Variants in RARB observed in about 807,000 individuals in gnomAD.
RARB encodes the protein HBV-activated protein.
A neutral mutation model predicts 51.9 loss-of-function variants in RARB; 17 were observed. That is an observed-to-expected ratio of 0.33 (90% CI 0.22 to 0.49). The LOEUF is 0.49. RARB is among the 20% of genes least tolerant of loss of function. RARB has a pLI of 0.99. For synonymous variants in RARB, 215 were observed against 195.4 expected (o/e 1.10, Z -0.84); for missense variants, 369 against 550.8 (o/e 0.67, Z 3.30).
chr3:24,974,696 C>G (rs2125420482), intron 2 of RARB, among the ~76,000 whole-genome samples: 1 of 152,106 alleles, frequency 6.6e-6, no homozygotes, highest in East Asian at 1.9e-4. Flanking sequence ...ATCCCTAAGC[C>G]TTAATAGAGA....
chr3:25,176,441 G>A (rs1319788690), intron 5 of RARB, among the ~76,000 whole-genome samples: 2 of 148,316 alleles, frequency 1.3e-5, no homozygotes, highest in Non-Finnish European at 3.0e-5. Context: ...CTGTCGCCGG[G>A]CCAGAGTGCA....
chr3:25,084,074 G>T (rs1202894501), intron 3 of RARB, among the ~76,000 whole-genome samples: 4 of 152,102 alleles, frequency 2.6e-5, no homozygotes, highest in Admixed American at 2.6e-4. Context: ...TCAGTATTTG[G>T]CTAATGACTC....
chr3:24,964,048 T>A (rs908257039), intron 2 of RARB, among the ~76,000 whole-genome samples: 3 of 152,178 alleles, frequency 2.0e-5, no homozygotes, highest in African/African-American at 7.2e-5. Context: ...ATATTTGTTT[T>A]TCATTCTCCT....
At chr3:24,856,482 C>A (rs563734048) in intron 1 of RARB, among the ~76,000 whole-genome samples, 1 of 152,256 alleles carries the variant, frequency 6.6e-6, no homozygotes, top group East Asian at 1.9e-4. Flanking sequence ...TATACTGTAC[C>A]TGACTATCTA....
intron 5 of RARB, among the ~76,000 whole-genome samples, chr3:25,391,673 G>T (rs4681054): frequency 1.3e-5 from 2 of 151,918 alleles, no homozygotes; most frequent in African/African-American, 4.8e-5. Context: ...ATGTTTGTTG[G>T]CCATTTGTAT....
intron 5 of RARB, among the ~76,000 whole-genome samples, chr3:25,227,021 C>G (rs1272732701): frequency 6.6e-6 from 1 of 152,200 alleles, no homozygotes; most frequent in Non-Finnish European, 1.5e-5. Flanking sequence ...ATTTACTCTA[C>G]TTACTGTTTC....
At chr3:25,457,545 C>T (rs533032370) in intron 1 of RARB, among the ~76,000 whole-genome samples, 1 of 152,306 alleles carries the variant, frequency 6.6e-6, no homozygotes, top group East Asian at 1.9e-4. Flanking sequence ...TTATAAATGA[C>T]TCTTATCCAT....
In RARB at chr3:25,596,953, C is replaced by CAGA. The variant is rs1701860941; in HGVS notation, c.*340_*342dup. The CAGA allele has an allele frequency of 5.0e-6, 1 of 199,038 alleles. No individual in the cohort carries two copies. Among genetic ancestry groups the CAGA allele is most frequent in the African/African-American group, 2.3e-5 (1 of 43,256 alleles). 12.3% of individuals were successfully genotyped at this position (199,038 alleles called of 1,614,324 possible). The stretch of plus-strand genomic sequence containing the variant: ...TAAGTTTCTGAAGACTTTGTACATA[C>CAGA]AGAAGTATGGCTCTGTTCTTTCTAT... On this transcript the variant is annotated 3_prime_UTR_variant, in exon 8 of 8. Transcript: ENST00000330688.
At chr3:25,209,461 C>T (rs566697881) in intron 5 of RARB, among the ~76,000 whole-genome samples, 2 of 152,260 alleles carry the variant, frequency 1.3e-5, no homozygotes, top group Admixed American at 1.3e-4. Context: ...TACTTCATGT[C>T]CATGAAGTCA....
rs1553638599 is a variant in RARB, at chr3:25,159,415, C to CT, written c.-279-14704_-279-14703insT. On this transcript the variant is annotated intron_variant, in intron 4 of 11. Coordinates refer to the RARB transcript ENST00000383772. ...AACTCCTGACCTCAGATGATCCACC[C>CT]CCCCCGCTCCCCCTCAGCCTCCCAA... Among the ~76,000 whole-genome samples, 27 of 150,802 alleles carry CT rather than the reference C, an allele frequency of 1.8e-4. 1 individual carries two copies. The highest frequency in any genetic ancestry group is 6.6e-4 in the African/African-American group (27 of 40,966).
intron 5 of RARB, among the ~76,000 whole-genome samples, chr3:25,234,906 G>A (rs73044253): frequency 6.6e-6 from 1 of 151,950 alleles, no homozygotes; most frequent in East Asian, 1.9e-4. Context: ...ACTTGCTGCT[G>A]TCACCACCAC....
intron 5 of RARB, among the ~76,000 whole-genome samples, chr3:25,300,028 T>C (rs1182587623): frequency 6.6e-6 from 1 of 152,266 alleles, no homozygotes; most frequent in East Asian, 1.9e-4. Flanking sequence ...ATTTCAACAC[T>C]AAGCTCTGTT....
rs188398774 is a variant in RARB at position 25,271,381 on chromosome 3, G to A, written c.178+96806G>A. Among the ~76,000 whole-genome samples, 15 of 152,214 alleles carry A rather than the reference G, an allele frequency of 9.9e-5. No individual in the cohort carries two copies. In the East Asian group the frequency reaches 2.5e-3, roughly 26 times the overall value. On this transcript the variant is annotated intron_variant, in intron 5 of 11. Transcript: ENST00000383772. ...TAAGCATACCAATGTCTCAAGAATC[G>A]CGTCTCAAATGCAAGGCCTACACAA...
intron 5 of RARB, among the ~76,000 whole-genome samples, chr3:25,396,471 T>A (rs1243744526): frequency 6.6e-6 from 1 of 152,184 alleles, no homozygotes; most frequent in Non-Finnish European, 1.5e-5. Context: ...CTTGAGTAGG[T>A]TGGCCTCCAG....
At chr3:25,315,289 A>T (rs1704394067) in intron 5 of RARB, among the ~76,000 whole-genome samples, 1 of 152,200 alleles carries the variant, frequency 6.6e-6, no homozygotes, top group Non-Finnish European at 1.5e-5. Context: ...CAGTCCCTAG[A>T]TAGGGGCTTA....
intron 2 of RARB, among the ~76,000 whole-genome samples, chr3:25,049,059 C>T (rs1698275736): frequency 1.3e-5 from 2 of 152,168 alleles, no homozygotes; most frequent in South Asian, 4.1e-4. Context: ...GCTCCAAGAC[C>T]ACTTTTAATT....
At chr3:25,448,657 G>A (rs1215978755) in intron 1 of RARB, among the ~76,000 whole-genome samples, 4 of 152,210 alleles carry the variant, frequency 2.6e-5, no homozygotes, top group Admixed American at 2.6e-4. Flanking sequence ...AGTAGAGATA[G>A]GGTTTCTTCA....
Position 25,003,478 on chromosome 3 carries a change from T to C in RARB, c.-379-56647T>C, listed in dbSNP as rs150768577. On this transcript the variant is annotated intron_variant, in intron 2 of 11. Coordinates refer to the RARB transcript ENST00000383772. ...ACTTTTGTCAGATATATCTTAGTAC[T>C]GATTTACAGTTTTGTCAGCACTGTG... Among the ~76,000 whole-genome samples, 449 of 152,296 alleles carry C rather than the reference T, an allele frequency of 2.9e-3. 3 individuals are homozygous for C. The highest frequency in any genetic ancestry group is 0.01 in the African/African-American group (433 of 41,576).
Position 24,928,893 on chromosome 3 carries a change from C to T in RARB, c.-380+70141C>T, listed in dbSNP as rs74510877. 1.3e-3 allele frequency among the ~76,000 whole-genome samples: 199 copies of T among 151,996 alleles called. 1 individual carries two copies. The highest frequency in any genetic ancestry group is 4.2e-3 in the African/African-American group (174 of 41,498). On this transcript the variant is annotated intron_variant, in intron 2 of 11. Transcript: ENST00000383772. ...ATTAGTAATTCCTAGAAATTGGGTT[C>T]GTTTTAAGAAAGCAATTATGTACTT...
Sources: allele counts gnomAD v4.1 joint callset (sites outside exome capture counted in the v4.1 genomes callset), GRCh38; gene constraint gnomAD v4.1.1; transcripts MANE v1.5; gene names NCBI Gene and HGNC (gene_info 2026-07-23, HGNC 2026-07-21).